Variants in OR6N1 observed in about 807,000 individuals in gnomAD.
OR6N1 encodes olfactory receptor family 6 subfamily N member 1.
For missense variants in OR6N1, 394 were observed against 371.7 expected, an observed-to-expected ratio of 1.06 and a Z score of -0.49; for synonymous variants, 170 against 150.7, an observed-to-expected ratio of 1.13 and a Z score of -0.94.
At chr1:158,824,362 T>C in the OR6N1 span, among the ~76,000 whole-genome samples, 1 of 152,176 alleles carries the variant, frequency 6.6e-6, no homozygotes, top group Non-Finnish European at 1.5e-5. Context: ...GTAAGTCCAA[T>C]AAACCTTTTT....
At position 158,771,466 on chromosome 1, in the gene OR6N1, C is replaced by G. The variant is rs749453230; in HGVS notation, c.-19+555G>C. On this transcript the variant is annotated intron_variant, in intron 1 of 1. Coordinates refer to ENST00000641846, the MANE Select transcript of OR6N1 (RefSeq NM_001005185.2). Reference sequence around the variant, plus strand: ...CATCAGTTACTCATCTACTCCTATTCCTGATATTGGAATCAGGGCTCTCAT... The same window carrying G: ...CATCAGTTACTCATCTACTCCTATTGCTGATATTGGAATCAGGGCTCTCAT... Among the ~76,000 whole-genome samples the G allele has an allele frequency of 3.9e-5, 6 of 152,126 alleles. 1 individual carries two copies. Among genetic ancestry groups the G allele is most frequent in the Non-Finnish European group, 8.8e-5 (6 of 68,020 alleles).
At chr1:158,773,835 TTG>T (rs1657486938), upstream of OR6N1, among the ~76,000 whole-genome samples, 1 of 151,858 alleles carries the variant, frequency 6.6e-6, no homozygotes, top group Non-Finnish European at 1.5e-5. Context: ...GTGTGTGTTT[TTG>T]TGTGTGTATA....
the OR6N1 span, among the ~76,000 whole-genome samples, chr1:158,805,695 G>T: frequency 6.6e-6 from 1 of 152,190 alleles, no homozygotes; most frequent in Non-Finnish European, 1.5e-5. Flanking sequence ...AGTACAGAAT[G>T]AAAGGCAAGG....
chr1:158,804,065 CCTAA>C, the OR6N1 span, among the ~76,000 whole-genome samples: 1 of 152,090 alleles, frequency 6.6e-6, no homozygotes, highest in Non-Finnish European at 1.5e-5. Context: ...ATCTGTCTCC[CCTAA>C]CTGAGGTCTG....
chr1:158,815,815 G>A, the OR6N1 span, among the ~76,000 whole-genome samples: 1 of 152,090 alleles, frequency 6.6e-6, no homozygotes, highest in Non-Finnish European at 1.5e-5. Flanking sequence ...AAGAAACTAA[G>A]AAAAAGGAAG....
At chr1:158,839,077 T>G in the OR6N1 span, among the ~76,000 whole-genome samples, 1 of 152,330 alleles carries the variant, frequency 6.6e-6, no homozygotes, top group African/African-American at 2.4e-5. Flanking sequence ...AGGGCTGTGT[T>G]TCTTTAGAGA....
the OR6N1 span, among the ~76,000 whole-genome samples, chr1:158,822,282 C>T: frequency 6.6e-6 from 1 of 152,088 alleles, no homozygotes; most frequent in African/African-American, 2.4e-5. Flanking sequence ...GAATTTGTAA[C>T]TTGCTTTAGG....
the OR6N1 span, among the ~76,000 whole-genome samples, chr1:158,802,544 GT>G: frequency 2.0e-5 from 3 of 152,028 alleles, no homozygotes; most frequent in African/African-American, 7.3e-5. Context: ...CCAGAGGTGA[GT>G]TTCATCTTAA....
At chr1:158,778,277 A>G in the OR6N1 span, among the ~76,000 whole-genome samples, 6 of 152,198 alleles carry the variant, frequency 3.9e-5, no homozygotes, top group African/African-American at 1.4e-4. Context: ...TCTCAATAGG[A>G]TTTGTAAAGT....
the OR6N1 span, among the ~76,000 whole-genome samples, chr1:158,783,299 C>A: frequency 1.3e-5 from 2 of 152,178 alleles, no homozygotes; most frequent in Non-Finnish European, 2.9e-5. Flanking sequence ...TCTACTTGTA[C>A]GTTGAAGTGC....
chr1:158,783,835 G>A, the OR6N1 span, among the ~76,000 whole-genome samples: 12 of 152,034 alleles, frequency 7.9e-5, no homozygotes, highest in Non-Finnish European at 1.3e-4. Context: ...GACTGGGCGC[G>A]GTGGCTCACA....
chr1:158,836,078 T>A, the OR6N1 span, among the ~76,000 whole-genome samples: 1 of 152,086 alleles, frequency 6.6e-6, no homozygotes, highest in South Asian at 2.1e-4. Context: ...GGGATAAACC[T>A]TAAATGGTCA....
the OR6N1 span, among the ~76,000 whole-genome samples, chr1:158,807,190 A>G: frequency 3.9e-5 from 6 of 152,116 alleles, no homozygotes; most frequent in Admixed American, 3.9e-4. Context: ...TGCAAGTTCA[A>G]TAATCTTTAT....
At chr1:158,787,620 A>ATCTCTCTCTCTC in the OR6N1 span, among the ~76,000 whole-genome samples, 44 of 122,638 alleles carry the variant, frequency 3.6e-4, no homozygotes, top group East Asian at 1.4e-3. Context: ...CTATCTCTCT[A>ATCTCTCTCTCTC]TCTCTCTCTC....
chr1:158,818,003 G>A, the OR6N1 span, among the ~76,000 whole-genome samples: 15 of 152,166 alleles, frequency 9.9e-5, no homozygotes, highest in Admixed American at 8.5e-4. Flanking sequence ...TAAAACCAGA[G>A]TGATGATGAA....
At chr1:158,791,843 T>G in the OR6N1 span, among the ~76,000 whole-genome samples, 21 of 152,340 alleles carry the variant, frequency 1.4e-4, no homozygotes, top group African/African-American at 5.1e-4. Context: ...ATGTTCCATG[T>G]GTCAATGAGG....
chr1:158,836,952 TC>T, the OR6N1 span, among the ~76,000 whole-genome samples: 1 of 151,878 alleles, frequency 6.6e-6, no homozygotes, highest in African/African-American at 2.4e-5. Flanking sequence ...GACTTGTGAT[TC>T]TTTGTACATG....
At chr1:158,786,040 C>T in the OR6N1 span, among the ~76,000 whole-genome samples, 10 of 152,088 alleles carry the variant, frequency 6.6e-5, no homozygotes, top group African/African-American at 2.4e-4. Flanking sequence ...TTCTGCACAG[C>T]AATAGAAATA....
chr1:158,769,266 C>A (rs1441585038), intron 1 of OR6N1, among the ~76,000 whole-genome samples: 1 of 151,942 alleles, frequency 6.6e-6, no homozygotes, highest in African/African-American at 2.4e-5. Flanking sequence ...TGGGCTCAAG[C>A]AATCCTCCCA....
Sources: gnomAD v4.1 joint callset for allele counts (sites outside exome capture counted in the v4.1 genomes callset) on GRCh38, gnomAD v4.1.1 for gene constraint, MANE v1.5 for transcripts, NCBI Gene and HGNC (gene_info 2026-07-23, HGNC 2026-07-21) for gene names.